The following FAM13B variants were observed in gnomAD, a reference collection of about 807,000 sequenced individuals.
FAM13B encodes family with sequence similarity 13 member B.
In FAM13B, 60 loss-of-function variants were observed where a neutral mutation model predicts 117.3. That is an observed-to-expected ratio of 0.51 (90% CI 0.42 to 0.63). The LOEUF is 0.63. Ranked by LOEUF, FAM13B falls within the 30% of genes least tolerant of loss-of-function variation. The pLI is 0.00. For synonymous variants in FAM13B, 332 were observed against 356.1 expected (o/e 0.93, Z 0.76); for missense variants, 972 against 1,091.9 (o/e 0.89, Z 1.55).
chr5:137,947,165 T>TC (rs1317796548), intron 18 of FAM13B, among the ~76,000 whole-genome samples: 1 of 152,238 alleles, frequency 6.6e-6, no homozygotes, highest in East Asian at 1.9e-4. Context: ...CCACAGAATA[T>TC]CCTTTAACAC....
intron 12 of FAM13B, 34 bp from the exon 13 acceptor site, chr5:137,959,797 T>C: frequency 6.2e-7 from 1 of 1,603,174 alleles, no homozygotes; most frequent in South Asian, 1.1e-5. Flanking sequence ...ATTTCACAAC[T>C]ACGGAAGCTT....
In FAM13B at chr5:137,940,015, C is replaced by A; in HGVS notation, c.*210G>T. 1.2e-6 allele frequency: 2 copies of A among 1,608,772 alleles called. No individual in the cohort carries two copies. The highest frequency in any genetic ancestry group is 2.2e-5 in the South Asian group (2 of 90,210). On this transcript the variant is annotated 3_prime_UTR_variant, in exon 24 of 24. Coordinates refer to ENST00000689681, the MANE Select transcript of FAM13B (RefSeq NM_001385994.1). ...GTTTGCTAAAGGTGGAGAGGACAGTCTGTGGTTAATATGGAACATCACTTA... is the reference window on the plus strand; with the variant it reads ...GTTTGCTAAAGGTGGAGAGGACAGTATGTGGTTAATATGGAACATCACTTA...
chr5:138,021,467 C>T (rs1221393321), intron 1 of FAM13B, among the ~76,000 whole-genome samples: 1 of 152,172 alleles, frequency 6.6e-6, no homozygotes, highest in African/African-American at 2.4e-5. Context: ...AAGGACTACA[C>T]CATTCAAATA....
rs953880654 is a variant in FAM13B at position 138,029,478 on chromosome 5, G to C, written c.-203+3304C>G. On this transcript the variant is annotated intron_variant, in intron 1 of 23. Coordinates refer to ENST00000689681, the MANE Select transcript of FAM13B (RefSeq NM_001385994.1). ...AGAATATTTCCTCTCAATAGAAAAA[G>C]AGAATATTTTACAACAGTAATAGTT... Among the ~76,000 whole-genome samples, 7 of 152,274 alleles carry C rather than the reference G, an allele frequency of 4.6e-5. No individual in the cohort carries two copies. The East Asian group carries it at 1.3e-3, about 29-fold the overall frequency.
chr5:137,952,206 T>C (rs926888264), intron 17 of FAM13B, among the ~76,000 whole-genome samples: 2 of 152,212 alleles, frequency 1.3e-5, no homozygotes, highest in African/African-American at 4.8e-5. Flanking sequence ...ATTTAGTCTT[T>C]GTGGTATAAA....
chr5:138,028,674 G>C (rs1344920837), intron 1 of FAM13B, among the ~76,000 whole-genome samples: 2 of 152,128 alleles, frequency 1.3e-5, no homozygotes, highest in African/African-American at 4.8e-5. Flanking sequence ...CCAGAGGTCA[G>C]GAATTCAAGA....
At chr5:137,961,766 A>G (rs1159132188) in intron 11 of FAM13B, among the ~76,000 whole-genome samples, 1 of 152,226 alleles carries the variant, frequency 6.6e-6, no homozygotes, top group Non-Finnish European at 1.5e-5. Flanking sequence ...TAAGAAAGTT[A>G]TACTTTTTGG....
intron 10 of FAM13B, among the ~76,000 whole-genome samples, chr5:137,982,150 CCA>C (rs1775943890): frequency 6.6e-6 from 1 of 152,230 alleles, no homozygotes; most frequent in South Asian, 2.1e-4. Flanking sequence ...TGAGAACATA[CCA>C]TCAAGAAACA....
At chr5:138,040,086 G>A (rs1293256886) in intron 1 of FAM13B, 1 of 151,084 alleles carries the variant, frequency 6.6e-6, no homozygotes, top group Non-Finnish European at 1.5e-5. Flanking sequence ...CCAACATAGT[G>A]AAACCCCATC....
intron 1 of FAM13B, among the ~76,000 whole-genome samples, chr5:138,031,011 C>A (rs1316713252): frequency 7.3e-5 from 11 of 151,542 alleles, no homozygotes; most frequent in Non-Finnish European, 8.8e-5. Context: ...CCAGCCTGGG[C>A]GACAGTGATG....
intron 10 of FAM13B, among the ~76,000 whole-genome samples, chr5:137,984,735 T>C (rs1385986746): frequency 6.6e-6 from 1 of 151,912 alleles, no homozygotes; most frequent in African/African-American, 2.4e-5. Context: ...GCTGACATCA[T>C]GATTTCTAGG....
At chr5:137,979,000 C>T (rs1338407210) in intron 10 of FAM13B, among the ~76,000 whole-genome samples, 1 of 151,288 alleles carries the variant, frequency 6.6e-6, no homozygotes, top group Admixed American at 6.6e-5. Context: ...TTCCCTAGGG[C>T]TCACAGTTCA....
chr5:137,960,994 G>C (rs1329175620), intron 11 of FAM13B, among the ~76,000 whole-genome samples: 1 of 152,122 alleles, frequency 6.6e-6, no homozygotes, highest in African/African-American at 2.4e-5. Context: ...CCATAACAGA[G>C]TATGCACTCA....
intron 1 of FAM13B, among the ~76,000 whole-genome samples, chr5:138,031,084 T>A (rs1424479760): frequency 2.0e-5 from 3 of 152,110 alleles, no homozygotes; most frequent in Non-Finnish European, 4.4e-5. Flanking sequence ...AATTTAAAAT[T>A]TGAATACGAT....
At chr5:137,978,874 T>G (rs1403368558) in intron 10 of FAM13B, among the ~76,000 whole-genome samples, 1 of 152,220 alleles carries the variant, frequency 6.6e-6, no homozygotes, top group Non-Finnish European at 1.5e-5. Context: ...ACCTTGATAT[T>G]CCAGTTCTGC....
chr5:137,952,620 T>A lies in FAM13B; in HGVS notation c.1930+8A>T. 6.4e-7 allele frequency: 1 copy of A among 1,566,906 alleles called. No homozygotes were observed. On this transcript the variant is annotated splice_region_variant and intron_variant, in intron 17 of 23. Coordinates refer to ENST00000689681, the MANE Select transcript of FAM13B (RefSeq NM_001385994.1). Reference sequence around the variant, plus strand: ...TGCAAATATATTACAAAATGGCACATAATATACCTTTAATTTGCTTCCGCA... The same window carrying A: ...TGCAAATATATTACAAAATGGCACAAAATATACCTTTAATTTGCTTCCGCA...
intron 11 of FAM13B, 47 bp downstream of exon 11, chr5:137,962,358 G>T: frequency 6.5e-7 from 1 of 1,538,202 alleles, no homozygotes; most frequent in Non-Finnish European, 9.0e-7. Flanking sequence ...TCTGTGAAGA[G>T]CTCCAATTCT....
Position 137,987,549 on chromosome 5 carries a change from G to A in FAM13B, c.958C>T (p.His320Tyr). The A allele has an allele frequency of 6.2e-7, 1 of 1,613,452 alleles. No homozygotes were observed. The highest frequency in any genetic ancestry group is 8.5e-7 in the Non-Finnish European group (1 of 1,179,662). The change falls in exon 9 of 24, where the codon CAT becomes TAT. Residue 320 changes from histidine (H) to tyrosine (Y), a missense_variant. Transcript: ENST00000689681. ...HLFDLQSSID[H>Y]DLKNLQQQSV... ...TGCTGTTGTAAATTCTTAAGATCAT[G>A]ATCTATGCTGCTCTGAAGATCAAAA...
At chr5:138,045,083 C>A (rs1202457353) in intron 1 of FAM13B, among the ~76,000 whole-genome samples, 1 of 152,182 alleles carries the variant, frequency 6.6e-6, no homozygotes, top group Admixed American at 6.6e-5. Flanking sequence ...AACAGTTCCA[C>A]TCCTGAGTAT....
Sources: allele counts gnomAD v4.1 joint callset (sites outside exome capture counted in the v4.1 genomes callset), GRCh38; gene constraint gnomAD v4.1.1; transcripts MANE v1.5; gene names NCBI Gene and HGNC (gene_info 2026-07-23, HGNC 2026-07-21).